PHF21A: variants seen among roughly 807,000 people sequenced by gnomAD.
The protein encoded by PHF21A is PHD finger protein 21A.
A neutral mutation model predicts 82.5 loss-of-function variants in PHF21A; 11 were observed. The ratio of observed to expected loss-of-function variants is 0.13; its 90% confidence interval spans 0.08 to 0.22. The LOEUF (loss-of-function observed/expected upper bound fraction) is 0.22. Ranked by LOEUF, PHF21A falls within the 10% of genes least tolerant of loss-of-function variation. The pLI, the probability that PHF21A is intolerant of heterozygous loss-of-function variation, is 1.00. For missense variants in PHF21A, 579 were observed against 837.8 expected, an observed-to-expected ratio of 0.69 and a Z score of 3.81; for synonymous variants, 297 against 302.8, an observed-to-expected ratio of 0.98 and a Z score of 0.20.
At chr11:46,105,302 C>G (rs1405129311) in intron 1 of PHF21A, among the ~76,000 whole-genome samples, 3 of 152,188 alleles carry the variant, frequency 2.0e-5, no homozygotes, top group Non-Finnish European at 4.4e-5. Flanking sequence ...TACCAAATTA[C>G]TAAATTGTAA....
At chr11:46,050,283 G>A (rs183393208) in intron 6 of PHF21A, among the ~76,000 whole-genome samples, 10 of 152,338 alleles carry the variant, frequency 6.6e-5, no homozygotes, top group Non-Finnish European at 1.3e-4. Flanking sequence ...CCTTGCTCAC[G>A]GCAGGAGAAA....
chr11:45,961,547 T>C (rs999924083), intron 10 of PHF21A, among the ~76,000 whole-genome samples: 1 of 152,230 alleles, frequency 6.6e-6, no homozygotes, highest in Admixed American at 6.5e-5. Context: ...GAAGATACTG[T>C]GCAGATTCCT....
intron 6 of PHF21A, among the ~76,000 whole-genome samples, chr11:45,998,199 T>G (rs2094976494): frequency 6.6e-6 from 1 of 152,230 alleles, no homozygotes; most frequent in South Asian, 2.1e-4. Flanking sequence ...TCCATCTGTG[T>G]TATTAGCACA....
At chr11:46,078,779 C>A (rs528334982) in intron 5 of PHF21A, among the ~76,000 whole-genome samples, 1 of 152,118 alleles carries the variant, frequency 6.6e-6, no homozygotes, top group Admixed American at 6.5e-5. Context: ...GGTCTCTTTT[C>A]ATAATATTGG....
At chr11:46,090,129 A>G (rs1031115620) in intron 3 of PHF21A, among the ~76,000 whole-genome samples, 3 of 151,990 alleles carry the variant, frequency 2.0e-5, no homozygotes, top group Admixed American at 2.0e-4. Context: ...GTAAATTTTA[A>G]AATACACAGA....
rs112232403 is a variant in PHF21A at position 45,978,476 on chromosome 11, C to T, written c.360+1284G>A. Among the ~76,000 whole-genome samples the T allele has an allele frequency of 5.2e-3, 798 of 152,232 alleles. 6 individuals are homozygous for T. Among genetic ancestry groups the T allele is most frequent in the Non-Finnish European group, 6.5e-3 (440 of 68,020 alleles). On this transcript the variant is annotated intron_variant, in intron 7 of 18. Transcript: ENST00000676320. ...ATCTTTAGTGTTCTTATAAAAAATT[C>T]ATTCTTTACTTGCAAAATGTTGCAC...
In PHF21A at chr11:45,965,434, C is replaced by A; in HGVS notation, c.877G>T (p.Ala293Ser). 3 of 1,614,054 alleles carry A rather than the reference C, an allele frequency of 1.9e-6. No homozygotes were observed. Among genetic ancestry groups the A allele is most frequent in the Non-Finnish European group, 2.5e-6 (3 of 1,180,018 alleles). ...HPVRVVNGQT[A>S]TIAKTFPMAQ... ...ATGGGGAACGTTTTGGCTATGGTTGCAGTCTGCCCATTGACGACACGGACG... is the reference window on the plus strand; with the variant it reads ...ATGGGGAACGTTTTGGCTATGGTTGAAGTCTGCCCATTGACGACACGGACG... The change falls in exon 10 of 19, where the codon GCA becomes TCA. Residue 293 changes from alanine (A) to serine (S), a missense_variant. By Grantham distance (99) the Ala-to-Ser change is moderately conservative (BLOSUM62 1). Coordinates refer to ENST00000676320, the MANE Select transcript of PHF21A (RefSeq NM_001352027.3).
At chr11:45,938,059 G>A (rs1054347248) in intron 16 of PHF21A, 98 bp downstream of exon 16, 9 of 1,047,512 alleles carry the variant, frequency 8.6e-6, no homozygotes, top group Non-Finnish European at 1.2e-5. Context: ...CGGACTGGGA[G>A]AGAGAAGAGA....
At chr11:46,040,488 T>C (rs867927799) in intron 6 of PHF21A, among the ~76,000 whole-genome samples, 26 of 152,334 alleles carry the variant, frequency 1.7e-4, no homozygotes, top group Middle Eastern at 6.8e-3. Flanking sequence ...GGGTGACGGC[T>C]TGGGGCTCTG....
chr11:45,955,934 C>A (rs2135641633), intron 10 of PHF21A, among the ~76,000 whole-genome samples: 5 of 152,322 alleles, frequency 3.3e-5, no homozygotes, highest in Admixed American at 3.3e-4. Context: ...ATTACTGCAG[C>A]TCTAGCCAAC....
intron 6 of PHF21A, among the ~76,000 whole-genome samples, chr11:46,069,251 G>GTTTT (rs2096629095): frequency 6.6e-6 from 1 of 152,182 alleles, no homozygotes; most frequent in African/African-American, 2.4e-5. Context: ...AAAACGAGGA[G>GTTTT]CTGATGTCCT....
intron 6 of PHF21A, among the ~76,000 whole-genome samples, chr11:46,000,745 C>T (rs2095094830): frequency 6.6e-6 from 1 of 151,834 alleles, no homozygotes; most frequent in Non-Finnish European, 1.5e-5. Flanking sequence ...TAGGGTGAAA[C>T]CCCATCTCTA....
chr11:46,002,554 T>C (rs1328674630), intron 6 of PHF21A, among the ~76,000 whole-genome samples: 1 of 152,168 alleles, frequency 6.6e-6, no homozygotes, highest in African/African-American at 2.4e-5. Context: ...ACATGGCCTT[T>C]TTCATTTAAG....
intron 6 of PHF21A, among the ~76,000 whole-genome samples, chr11:45,992,325 G>T (rs1265362654): frequency 6.6e-6 from 1 of 150,736 alleles, no homozygotes; most frequent in African/African-American, 2.4e-5. Context: ...GAGGTCAGGA[G>T]ATCAAGACCA....
chr11:46,022,641 T>C (rs926569324), intron 6 of PHF21A, among the ~76,000 whole-genome samples: 1 of 152,142 alleles, frequency 6.6e-6, no homozygotes, highest in African/African-American at 2.4e-5. Context: ...TAATATTTTT[T>C]TTTAGAGACA....
At chr11:45,988,621 G>C (rs2094574362) in intron 6 of PHF21A, among the ~76,000 whole-genome samples, 1 of 152,148 alleles carries the variant, frequency 6.6e-6, no homozygotes, top group Non-Finnish European at 1.5e-5. Context: ...AGGCGTGGTG[G>C]CTCACCCCTG....
intron 6 of PHF21A, among the ~76,000 whole-genome samples, chr11:45,992,022 C>G (rs749173927): frequency 1.3e-5 from 2 of 152,258 alleles, no homozygotes; most frequent in Non-Finnish European, 2.9e-5. Context: ...GAGAATGAAG[C>G]AGGCCAGGTG....
chr11:46,099,523 GACACAC>G (rs71038882), intron 1 of PHF21A, among the ~76,000 whole-genome samples: 286 of 137,622 alleles, frequency 2.1e-3, no homozygotes, highest in Non-Finnish European at 2.4e-3. Context: ...AGAAAAATTA[GACACAC>G]ACACACACAC....
At chr11:45,959,819 G>T (rs548654445) in intron 10 of PHF21A, among the ~76,000 whole-genome samples, 32 of 152,148 alleles carry the variant, frequency 2.1e-4, no homozygotes, top group Non-Finnish European at 3.8e-4. Flanking sequence ...CTAGTATCCA[G>T]ATTATATAAA....
Sources: allele counts gnomAD v4.1 joint callset (sites outside exome capture counted in the v4.1 genomes callset), GRCh38; gene constraint gnomAD v4.1.1; transcripts MANE v1.5; gene names NCBI Gene and HGNC (gene_info 2026-07-23, HGNC 2026-07-21).